ASTN2: variants seen among roughly 807,000 people sequenced by gnomAD.
The protein encoded by ASTN2 is astrotactin-2.
In ASTN2, 54 loss-of-function variants were observed where a neutral mutation model predicts 139.8. The ratio of observed to expected loss-of-function variants is 0.39; its 90% CI spans 0.31 to 0.48. ASTN2 has a LOEUF of 0.48. Among genes scored for constraint, ASTN2 ranks in the 20% least tolerant of loss-of-function variants. The probability of loss-of-function intolerance (pLI) is 0.95; values close to 1 mark genes in which losing one functional copy is unlikely to be tolerated. For synonymous variants in ASTN2, 756 were observed against 719.5 expected (o/e 1.05, Z -0.81); for missense variants, 1,565 against 1,725.1 (o/e 0.91, Z 1.64).
At chr9:116,537,034 C>G (rs1329720213) in intron 19 of ASTN2, among the ~76,000 whole-genome samples, 1 of 152,238 alleles carries the variant, frequency 6.6e-6, no homozygotes, top group Non-Finnish European at 1.5e-5. Context: ...ACTTTGTTTA[C>G]CTACTCAAGC....
In ASTN2 at chr9:116,972,796, C is replaced by T. The variant is rs751951790; in HGVS notation, c.1889+2412G>A. ...GATTAGAAATCAAAGAATCAACTTG[C>T]AGTGCACGTTCAAGTTTTCCTTTCC... is the stretch of plus-strand genomic sequence containing the variant. On this transcript the variant is annotated intron_variant, in intron 10 of 22. Coordinates refer to ENST00000313400, the MANE Select transcript of ASTN2 (RefSeq NM_001365068.1). Among the ~76,000 whole-genome samples, 201 of 152,176 alleles carry T rather than the reference C, an allele frequency of 1.3e-3. 3 individuals are homozygous for T. The highest frequency in any genetic ancestry group is 4.3e-4 in the Non-Finnish European group (29 of 68,020).
intron 2 of ASTN2, among the ~76,000 whole-genome samples, chr9:117,276,178 G>C (rs892465123): frequency 8.5e-5 from 13 of 152,130 alleles, no homozygotes; most frequent in Non-Finnish European, 1.6e-4. Context: ...ACTTAACATG[G>C]ATGCTTCCAT....
chr9:117,223,831 C>T (rs565565471), intron 2 of ASTN2, among the ~76,000 whole-genome samples: 6 of 152,218 alleles, frequency 3.9e-5, no homozygotes, highest in Admixed American at 1.3e-4. Flanking sequence ...GACAGATATA[C>T]GGTGACCTAT....
chr9:117,065,936 T>C (rs893205201), intron 5 of ASTN2, among the ~76,000 whole-genome samples: 5 of 152,090 alleles, frequency 3.3e-5, no homozygotes, highest in African/African-American at 1.2e-4. Flanking sequence ...ATCTTTAAAA[T>C]GTAGGTAGAA....
intron 19 of ASTN2, among the ~76,000 whole-genome samples, chr9:116,530,526 G>T: frequency 6.6e-6 from 1 of 151,992 alleles, no homozygotes; most frequent in East Asian, 1.9e-4. Flanking sequence ...ATGCATATCT[G>T]AAATAGTTTG....
rs803889 is a variant in ASTN2 at position 116,647,264 on chromosome 9, T to C, written c.3072+4264A>G. Among the ~76,000 whole-genome samples the C allele has an allele frequency of 5.4e-3, 821 of 152,312 alleles. 7 individuals are homozygous for C. The highest frequency in any genetic ancestry group is 0.019 in the African/African-American group (775 of 41,566). Reference sequence around the variant, plus strand: ...CATAAGTCTGTGAACTCCGTAAAGATAAAGACCATATCCACTTGTCATACT... The same window carrying C: ...CATAAGTCTGTGAACTCCGTAAAGACAAAGACCATATCCACTTGTCATACT... On this transcript the variant is annotated intron_variant, in intron 17 of 22. Coordinates refer to ENST00000313400, the MANE Select transcript of ASTN2 (RefSeq NM_001365068.1).
intron 5 of ASTN2, among the ~76,000 whole-genome samples, chr9:117,049,269 A>G (rs994688538): frequency 1.3e-5 from 2 of 152,066 alleles, no homozygotes; most frequent in African/African-American, 4.8e-5. Flanking sequence ...AAAAGAAAAT[A>G]TTTCTATGTT....
At chr9:117,199,383 C>T (rs1182263105) in intron 3 of ASTN2, among the ~76,000 whole-genome samples, 1 of 152,150 alleles carries the variant, frequency 6.6e-6, no homozygotes, top group South Asian at 2.1e-4. Context: ...AGAGAAGATT[C>T]TTTCCCCATT....
intron 19 of ASTN2, among the ~76,000 whole-genome samples, chr9:116,599,974 G>A (rs1854788603): frequency 6.6e-6 from 1 of 152,042 alleles, no homozygotes; most frequent in Non-Finnish European, 1.5e-5. Flanking sequence ...GGATCTCCTA[G>A]TCCACACCTT....
chr9:116,600,404 T>G (rs1205708072), intron 19 of ASTN2, among the ~76,000 whole-genome samples: 1 of 151,880 alleles, frequency 6.6e-6, no homozygotes, highest in Admixed American at 6.6e-5. Flanking sequence ...CCTGATCCCC[T>G]GATCCATGGG....
At chr9:117,097,871 CAT>C (rs1413576201) in intron 4 of ASTN2, among the ~76,000 whole-genome samples, 2 of 152,166 alleles carry the variant, frequency 1.3e-5, no homozygotes, top group Non-Finnish European at 2.9e-5. Context: ...ATTACACATT[CAT>C]TCTTTCTAGC....
intron 5 of ASTN2, among the ~76,000 whole-genome samples, chr9:117,089,898 T>C (rs1828663292): frequency 6.6e-6 from 1 of 152,258 alleles, no homozygotes; most frequent in Non-Finnish European, 1.5e-5. Context: ...ATCATGTATA[T>C]ATACGACAGT....
chr9:117,326,230 A>G (rs753974108), intron 1 of ASTN2, among the ~76,000 whole-genome samples: 2 of 152,108 alleles, frequency 1.3e-5, no homozygotes, highest in Non-Finnish European at 2.9e-5. Flanking sequence ...CCAGATGTGG[A>G]CTGTGGGCAG....
intron 20 of ASTN2, among the ~76,000 whole-genome samples, chr9:116,451,833 T>TCTGA (rs377222431): frequency 1.6e-3 from 18 of 11,074 alleles, no homozygotes; most frequent in African/African-American, 2.3e-3. Context: ...ATGCAAATGA[T>TCTGA]CTGAGTGTAT....
chr9:117,149,770 A>G (rs1165326934), intron 3 of ASTN2, among the ~76,000 whole-genome samples: 1 of 152,214 alleles, frequency 6.6e-6, no homozygotes, highest in Non-Finnish European at 1.5e-5. Context: ...AGAATGCTTC[A>G]TGACTAGAAT....
In ASTN2 at chr9:116,620,488, GA is replaced by G. The variant is rs1856082825; in HGVS notation, c.3073-46del. Reference sequence around the variant, plus strand: ...AGAATAGACAATGATGACAACAGGGGAGAGATTGAGAGTAAATGTGCTGATG... The same window carrying G: ...AGAATAGACAATGATGACAACAGGGGGAGATTGAGAGTAAATGTGCTGATG... On this transcript the variant is annotated intron_variant, in intron 17 of 22. Transcript: ENST00000313400. 8 of 1,611,238 alleles carry G rather than the reference GA, an allele frequency of 5.0e-6. 1 individual carries two copies. Among genetic ancestry groups the G allele is most frequent in the South Asian group, 2.2e-5 (2 of 91,012 alleles).
At chr9:116,790,656 T>C (rs1183264885) in intron 13 of ASTN2, among the ~76,000 whole-genome samples, 1 of 151,384 alleles carries the variant, frequency 6.6e-6, no homozygotes, top group African/African-American at 2.4e-5. Flanking sequence ...GTCAACTGTC[T>C]TCTTCTCTTT....
intron 3 of ASTN2, chr9:117,180,478 C>T: frequency 1.7e-6 from 1 of 575,282 alleles, no homozygotes; most frequent in Non-Finnish European, 3.1e-6. Context: ...GAGGGAAGTT[C>T]TCATCCACAT....
intron 16 of ASTN2, chr9:116,686,845 A>T (rs752582017): frequency 1.3e-6 from 2 of 1,549,882 alleles, no homozygotes; most frequent in Non-Finnish European, 8.7e-7. Context: ...GTCAGAGCAC[A>T]GAACATGAGG....
Sources: gnomAD v4.1 joint callset for allele counts (sites outside exome capture counted in the v4.1 genomes callset) on GRCh38, gnomAD v4.1.1 for gene constraint, MANE v1.5 for transcripts, NCBI Gene and HGNC (gene_info 2026-07-23, HGNC 2026-07-21) for gene names.